FILIP1L: variants seen among roughly 807,000 people sequenced by gnomAD.
FILIP1L encodes the protein filamin A interacting protein 1 like.
FILIP1L carries 55 observed loss-of-function variants against 96.6 expected under a neutral mutation model. That is an observed-to-expected ratio of 0.57 (90% confidence interval 0.46 to 0.71). The LOEUF is 0.71. Among genes scored for constraint, FILIP1L ranks in the 30% least tolerant of loss-of-function variants. FILIP1L has a pLI of 0.00. For missense variants in FILIP1L, 1,304 were observed against 1,321.2 expected (o/e 0.99, Z 0.20); for synonymous variants, 467 against 473.9 (o/e 0.99, Z 0.19).
chr3:99,909,467 A>G (rs941582546), intron 4 of FILIP1L, among the ~76,000 whole-genome samples: 3 of 152,148 alleles, frequency 2.0e-5, no homozygotes, highest in Admixed American at 1.3e-4. Context: ...CCCCTTGTAC[A>G]ATAGTTACTT....
chr3:100,003,951 T>G (rs1709915292), intron 1 of FILIP1L, among the ~76,000 whole-genome samples: 1 of 152,128 alleles, frequency 6.6e-6, no homozygotes, highest in South Asian at 2.1e-4. Context: ...ATTCAATGAG[T>G]CTATGCCTGG....
chr3:99,850,555 T>C lies in FILIP1L; in HGVS notation c.1121A>G (p.Glu374Gly). ...GNAGIMAEVE[E>G]LRKRVLDMEG... ...CATATCTAGCACACGTTTCCTGAGCTCTTCCACTTCAGCCATGATACCAGC... is the reference window on the plus strand; with the variant it reads ...CATATCTAGCACACGTTTCCTGAGCCCTTCCACTTCAGCCATGATACCAGC... Residue 374 changes from glutamate to glycine, a missense_variant, in exon 5 of 6, where the codon GAG (glutamate) becomes GGG (glycine). Coordinates refer to ENST00000477258, the MANE Select transcript of FILIP1L (RefSeq NM_001387850.1). 6.2e-7 allele frequency: 1 copy of C among 1,613,810 alleles called. No homozygotes were observed. Among genetic ancestry groups the C allele is most frequent in the African/African-American group, 1.3e-5 (1 of 74,994 alleles).
intron 4 of FILIP1L, among the ~76,000 whole-genome samples, chr3:99,914,979 G>A (rs1290314644): frequency 6.6e-6 from 1 of 152,194 alleles, no homozygotes; most frequent in Non-Finnish European, 1.5e-5. Context: ...TGTATGAATT[G>A]AGTGAGTTGT....
chr3:100,011,219 A>T (rs1410118037), intron 1 of FILIP1L, among the ~76,000 whole-genome samples: 1 of 152,150 alleles, frequency 6.6e-6, no homozygotes, highest in Non-Finnish European at 1.5e-5. Flanking sequence ...CTTTCTGTAA[A>T]AGTGAGGTAG....
At chr3:99,961,473 A>C (rs1201506370) in intron 1 of FILIP1L, among the ~76,000 whole-genome samples, 1 of 152,174 alleles carries the variant, frequency 6.6e-6, no homozygotes, top group Non-Finnish European at 1.5e-5. Flanking sequence ...TCAGAATCTT[A>C]ACTTTGCAAG....
At chr3:99,984,785 G>A (rs1709282227) in intron 1 of FILIP1L, among the ~76,000 whole-genome samples, 1 of 152,152 alleles carries the variant, frequency 6.6e-6, no homozygotes. Context: ...GGTAAGATAA[G>A]TATATGATAA....
intron 1 of FILIP1L, among the ~76,000 whole-genome samples, chr3:99,941,288 A>G (rs1707843686): frequency 6.6e-6 from 1 of 152,236 alleles, no homozygotes; most frequent in South Asian, 2.1e-4. Context: ...TATTAATAGT[A>G]GAAATACAGG....
intron 1 of FILIP1L, among the ~76,000 whole-genome samples, chr3:99,937,555 G>A (rs1340153714): frequency 6.6e-6 from 1 of 152,216 alleles, no homozygotes; most frequent in African/African-American, 2.4e-5. Context: ...GGGCGTCAGT[G>A]AGCCTTTAAA....
At chr3:100,085,701 C>T (rs1218173775) in intron 1 of FILIP1L, among the ~76,000 whole-genome samples, 4 of 152,150 alleles carry the variant, frequency 2.6e-5, no homozygotes, top group Admixed American at 2.6e-4. Flanking sequence ...ACTCTTCAGC[C>T]ACTGCAGTGT....
chr3:99,875,118 C>G (rs761821321), intron 4 of FILIP1L, among the ~76,000 whole-genome samples: 1 of 152,176 alleles, frequency 6.6e-6, no homozygotes, highest in Non-Finnish European at 1.5e-5. Flanking sequence ...ATCAATTTTT[C>G]ATCTCCTATT....
chr3:100,103,595 A>G lies in FILIP1L; in HGVS notation c.-11+10458T>C, dbSNP rs115581543. Among the ~76,000 whole-genome samples the G allele has an allele frequency of 3.4e-3, 524 of 152,258 alleles. 3 individuals are homozygous for G. The highest frequency in any genetic ancestry group is 0.012 in the African/African-American group (482 of 41,548). On this transcript the variant is annotated intron_variant, in intron 1 of 5. Coordinates refer to ENST00000477258, the MANE Select transcript of FILIP1L (RefSeq NM_001387850.1). ...ACAACCATTCTTCATGTTGAGCAAAAAGGAGGTGTGGGCAGTTAAGAGCCA... is the reference window on the plus strand; with the variant it reads ...ACAACCATTCTTCATGTTGAGCAAAGAGGAGGTGTGGGCAGTTAAGAGCCA...
intron 1 of FILIP1L, among the ~76,000 whole-genome samples, chr3:100,004,032 G>A (rs1454184631): frequency 6.6e-6 from 1 of 152,094 alleles, no homozygotes. Flanking sequence ...CTCTCTCAGG[G>A]TAAGCATCTT....
Position 99,848,607 on chromosome 3 carries a change from T to C in FILIP1L, c.3069A>G (p.Thr1023=). ...ATATCGCATGCTTGGCACTGATTTC[T>C]GTTGGTTCTGGGGAGCGTCCCTGCT... ...SPEQGRSPEP[T]EISAKHAIFR... is the part of the protein sequence containing the mutation. The change falls in exon 5 of 6, where the codon ACA becomes ACG. Residue 1023 remains threonine, a synonymous_variant. Coordinates refer to ENST00000477258, the MANE Select transcript of FILIP1L (RefSeq NM_001387850.1). 1 of 1,614,214 alleles carries C rather than the reference T, an allele frequency of 6.2e-7. No individual in the cohort carries two copies. Among genetic ancestry groups the C allele is most frequent in the Non-Finnish European group, 8.5e-7 (1 of 1,180,028 alleles).
chr3:99,982,698 A>G (rs1709163147), intron 1 of FILIP1L, among the ~76,000 whole-genome samples: 1 of 152,116 alleles, frequency 6.6e-6, no homozygotes, highest in Non-Finnish European at 1.5e-5. Flanking sequence ...TTAATCATGG[A>G]AGTAACCAGA....
At chr3:99,843,662 G>A (rs1244017866) in intron 5 of FILIP1L, among the ~76,000 whole-genome samples, 1 of 152,134 alleles carries the variant, frequency 6.6e-6, no homozygotes, top group Non-Finnish European at 1.5e-5. Context: ...AACATGCTCA[G>A]AGAACACTTA....
At chr3:100,014,863 C>CTTTTT (rs1710276798) in intron 1 of FILIP1L, among the ~76,000 whole-genome samples, 2 of 18,068 alleles carry the variant, frequency 1.1e-4, no homozygotes, top group East Asian at 1.2e-3. Context: ...CACCATTTGT[C>CTTTTT]TTTTTCTTTT....
In FILIP1L at chr3:99,895,605, G is replaced by A. The variant is rs190000597; in HGVS notation, c.605+28625C>T. 6.6e-5 allele frequency among the ~76,000 whole-genome samples: 10 copies of A among 152,176 alleles called. No individual in the cohort carries two copies. The East Asian group carries it at 1.7e-3, about 26-fold the overall frequency. ...CCATGGTAATTTTTTTTAACCTATA[G>A]ATTGGTTTTCGTATACCAAAAGGGG... On this transcript the variant is annotated intron_variant, in intron 4 of 5. Coordinates refer to ENST00000477258, the MANE Select transcript of FILIP1L (RefSeq NM_001387850.1).
rs1943720874 is a variant in FILIP1L, at chr3:99,852,001, G to A, written c.606-931C>T. On this transcript the variant is annotated intron_variant, in intron 4 of 5. Coordinates refer to ENST00000477258, the MANE Select transcript of FILIP1L (RefSeq NM_001387850.1). ...GACAGAAGAGAAACTCTGTTATCAG[G>A]AACATAATAATTCCCTCTTAAATGA... Among the ~76,000 whole-genome samples, 5 of 152,188 alleles carry A rather than the reference G, an allele frequency of 3.3e-5. No homozygotes were observed. The South Asian group carries it at 1.0e-3, about 32-fold the overall frequency.
At chr3:99,990,766 T>G (rs530655242) in intron 1 of FILIP1L, among the ~76,000 whole-genome samples, 5 of 152,182 alleles carry the variant, frequency 3.3e-5, no homozygotes, top group African/African-American at 9.6e-5. Flanking sequence ...GAAAAAAAAT[T>G]TACCTATATT....
Sources: allele counts gnomAD v4.1 joint callset (sites outside exome capture counted in the v4.1 genomes callset), GRCh38; gene constraint gnomAD v4.1.1; transcripts MANE v1.5; gene names NCBI Gene and HGNC (gene_info 2026-07-23, HGNC 2026-07-21).